Variants in FGF14 observed in about 807,000 individuals in gnomAD.
FGF14 encodes the protein fibroblast growth factor 14.
In FGF14, 5 loss-of-function variants were observed where a neutral mutation model predicts 25.5. The observed-to-expected ratio is 0.20, with a 90% CI of 0.10 to 0.41. The LOEUF (loss-of-function observed/expected upper bound fraction) is 0.41, where lower values mean the gene tolerates loss of function less well. FGF14 is among the 10% of genes least tolerant of loss of function. The pLI is 1.00. For synonymous variants in FGF14, 138 were observed against 118.3 expected, an observed-to-expected ratio of 1.17 and a Z score of -1.08; for missense variants, 222 against 320.1, an observed-to-expected ratio of 0.69 and a Z score of 2.34.
At chr13:101,851,251 T>C (rs1566313515) in intron 3 of FGF14, among the ~76,000 whole-genome samples, 1 of 152,020 alleles carries the variant, frequency 6.6e-6, no homozygotes, top group Non-Finnish European at 1.5e-5. Context: ...GGATCTGCCA[T>C]GTGATCATGA....
intron 1 of FGF14, among the ~76,000 whole-genome samples, chr13:102,382,867 T>C (rs1166412394): frequency 6.6e-6 from 1 of 152,134 alleles, no homozygotes; most frequent in African/African-American, 2.4e-5. Context: ...TATTGAATGA[T>C]TCCATTCTTA....
chr13:102,052,519 C>T (rs1040802466), intron 1 of FGF14, among the ~76,000 whole-genome samples: 1 of 150,202 alleles, frequency 6.7e-6, no homozygotes, highest in Non-Finnish European at 1.5e-5. Context: ...AGAGAGGATA[C>T]TAAAAGTAAC....
At chr13:102,146,167 G>T (rs889768091) in intron 1 of FGF14, among the ~76,000 whole-genome samples, 1 of 152,164 alleles carries the variant, frequency 6.6e-6, no homozygotes, top group Admixed American at 6.5e-5. Context: ...GGGAAAAAAA[G>T]TTTTGTTCTA....
chr13:101,956,745 T>TC (rs1455457020), intron 1 of FGF14, among the ~76,000 whole-genome samples: 1 of 146,620 alleles, frequency 6.8e-6, no homozygotes, highest in Non-Finnish European at 1.5e-5. Context: ...AAGCTCCCTA[T>TC]CTTCAGATAT....
At chr13:101,978,795 G>A (rs1423438101) in intron 1 of FGF14, among the ~76,000 whole-genome samples, 2 of 152,178 alleles carry the variant, frequency 1.3e-5, no homozygotes, top group Non-Finnish European at 2.9e-5. Flanking sequence ...CCGGAAGCAT[G>A]ACAGTACCTT....
rs547678475 is a variant in FGF14, at chr13:102,086,392, T to C, written c.209-211096A>G. 2.5e-3 allele frequency among the ~76,000 whole-genome samples: 380 copies of C among 151,758 alleles called. 1 individual carries two copies. Among genetic ancestry groups the C allele is most frequent in the Non-Finnish European group, 4.6e-3 (312 of 67,904 alleles). On this transcript the variant is annotated intron_variant, in intron 1 of 4. Coordinates refer to the FGF14 transcript ENST00000376131. ...AAAAATACAAAATATTAGCCGGGCG[T>C]GGTGGCGGGCGCATGTAGTCCCAGC...
intron 3 of FGF14, among the ~76,000 whole-genome samples, chr13:101,790,972 G>A (rs1190987790): frequency 6.6e-6 from 1 of 152,140 alleles, no homozygotes; most frequent in Non-Finnish European, 1.5e-5. Flanking sequence ...TGCATGCTGT[G>A]TTTTCTTTTG....
intron 1 of FGF14, among the ~76,000 whole-genome samples, chr13:102,043,372 A>C (rs1305888697): frequency 6.6e-6 from 1 of 152,148 alleles, no homozygotes; most frequent in African/African-American, 2.4e-5. Flanking sequence ...AGGCTGCATT[A>C]AATCACAATT....
At chr13:101,955,410 GT>G (rs2036454171) in intron 1 of FGF14, among the ~76,000 whole-genome samples, 1 of 152,218 alleles carries the variant, frequency 6.6e-6, no homozygotes, top group Non-Finnish European at 1.5e-5. Flanking sequence ...GGAAAAGCTG[GT>G]TTCTTGTGAA....
At chr13:101,910,800 T>C (rs913758162) in intron 1 of FGF14, among the ~76,000 whole-genome samples, 5 of 151,142 alleles carry the variant, frequency 3.3e-5, no homozygotes, top group Non-Finnish European at 5.9e-5. Flanking sequence ...TTAAATTGCA[T>C]TGACGTCTCT....
Position 101,712,290 on chromosome 13 carries a change from C to T in FGF14, c.*10541G>A, listed in dbSNP as rs2034506109. 1 of 152,170 alleles carries T rather than the reference C, an allele frequency of 6.6e-6. No individual in the cohort carries two copies. The highest frequency in any genetic ancestry group is 2.4e-5 in the African/African-American group (1 of 41,436). 9.4% of individuals were successfully genotyped at this position (152,170 alleles called of 1,614,324 possible). ...TCATGACACATACAAAATCAATCCTCATTTTTTATTCTAAGTATTTCAGCG... is the reference window on the plus strand; with the variant it reads ...TCATGACACATACAAAATCAATCCTTATTTTTTATTCTAAGTATTTCAGCG... On this transcript the variant is annotated 3_prime_UTR_variant, in exon 5 of 5. Transcript: ENST00000376143.
rs561538419 is a variant in FGF14, at chr13:102,239,191, A to G, written c.208+162280T>C. 2.6e-5 allele frequency among the ~76,000 whole-genome samples: 4 copies of G among 152,290 alleles called. No homozygotes were observed. The East Asian group carries it at 5.8e-4, about 22-fold the overall frequency. On this transcript the variant is annotated intron_variant, in intron 1 of 4. Transcript: ENST00000376131. ...TAGCAATTGCATTGTAGAAATGTCT[A>G]TTACCCAGTTACTGTACAGATTTTT...
intron 1 of FGF14, among the ~76,000 whole-genome samples, chr13:101,923,896 T>C (rs2034181864): frequency 6.6e-6 from 1 of 152,118 alleles, no homozygotes; most frequent in South Asian, 2.1e-4. Context: ...GCAGATGGTT[T>C]AGCTTTACAA....
At chr13:102,209,146 A>G (rs1444274205) in intron 1 of FGF14, among the ~76,000 whole-genome samples, 1 of 152,206 alleles carries the variant, frequency 6.6e-6, no homozygotes, top group Non-Finnish European at 1.5e-5. Flanking sequence ...CCTTAGGCCA[A>G]TTCTACAAGG....
At chr13:101,805,680 A>C (rs1432572988) in intron 3 of FGF14, among the ~76,000 whole-genome samples, 2 of 152,180 alleles carry the variant, frequency 1.3e-5, no homozygotes, top group East Asian at 3.9e-4. Context: ...AGTGACTAAC[A>C]TTATCAAAAT....
chr13:101,939,595 G>C (rs1425545103), intron 1 of FGF14, among the ~76,000 whole-genome samples: 1 of 152,128 alleles, frequency 6.6e-6, no homozygotes, highest in Admixed American at 6.5e-5. Flanking sequence ...CACTGACCAT[G>C]GTTATTAGAT....
chr13:101,790,674 T>C (rs773182094), intron 3 of FGF14, among the ~76,000 whole-genome samples: 2 of 152,120 alleles, frequency 1.3e-5, no homozygotes, highest in African/African-American at 4.8e-5. Context: ...TTGTCCCTTT[T>C]TGGAAAATTT....
Position 101,713,860 on chromosome 13 carries a change from G to C in FGF14, c.*8971C>G, listed in dbSNP as rs1022317834. ...ATTTGAGCTATCCCAGTTTATGACAGAGGGTCCTGAGGATGAGTCTCACAA... is the reference window on the plus strand; with the variant it reads ...ATTTGAGCTATCCCAGTTTATGACACAGGGTCCTGAGGATGAGTCTCACAA... On this transcript the variant is annotated 3_prime_UTR_variant, in exon 5 of 5. Coordinates refer to ENST00000376143, the MANE Select transcript of FGF14 (RefSeq NM_004115.4). 1.3e-5 allele frequency: 2 copies of C among 152,140 alleles called. No individual in the cohort carries two copies. Among genetic ancestry groups the C allele is most frequent in the Admixed American group, 6.5e-5 (1 of 15,268 alleles). The allele number at this position is 152,140 out of a possible 1,614,324, so 9.4% of individuals were successfully genotyped here. A position where few individuals can be genotyped will look rare whatever the true frequency, so the allele number is the denominator to read the frequency against.
chr13:102,068,738 CCATGCCTGA>C (rs1356827392), intron 1 of FGF14, among the ~76,000 whole-genome samples: 1 of 152,232 alleles, frequency 6.6e-6, no homozygotes, highest in East Asian at 1.9e-4. Context: ...CTGCAGCCTG[CCATGCCTGA>C]GCCTCCCACC....
Sources: allele counts gnomAD v4.1 joint callset (sites outside exome capture counted in the v4.1 genomes callset), GRCh38; gene constraint gnomAD v4.1.1; transcripts MANE v1.5; gene names NCBI Gene and HGNC (gene_info 2026-07-23, HGNC 2026-07-21).